ATG16L1: variants seen among roughly 807,000 people sequenced by gnomAD.
The protein encoded by ATG16L1 is autophagy related 16 like 1, also known as autophagy-related protein 16-1.
A neutral mutation model predicts 88.5 loss-of-function variants in ATG16L1; 37 were observed. The observed-to-expected ratio is 0.42, with a 90% CI of 0.32 to 0.55. The LOEUF is 0.55. ATG16L1 is among the 20% of genes least tolerant of loss of function. The pLI is 0.13. For missense variants in ATG16L1, 554 were observed against 752.8 expected, an observed-to-expected ratio of 0.74 and a Z score of 3.09; for synonymous variants, 301 against 281.0, an observed-to-expected ratio of 1.07 and a Z score of -0.71.
At chr2:233,253,340 G>GT (rs56151049) in intron 1 of ATG16L1, among the ~76,000 whole-genome samples, 3,723 of 108,504 alleles carry the variant, frequency 0.034, 167 homozygotes, top group East Asian at 0.077. Flanking sequence ...GGGTTTTTTT[G>GT]TTTTTTTTTT....
intron 12 of ATG16L1, among the ~76,000 whole-genome samples, chr2:233,289,275 T>TA (rs1423626197): frequency 5.9e-5 from 9 of 152,120 alleles, no homozygotes; most frequent in African/African-American, 2.2e-4. Context: ...TTGGTCTTGA[T>TA]ACCTCACCTT....
intron 12 of ATG16L1, among the ~76,000 whole-genome samples, chr2:233,287,160 A>G (rs1293468989): frequency 6.6e-6 from 1 of 152,216 alleles, no homozygotes; most frequent in Non-Finnish European, 1.5e-5. Flanking sequence ...CCGTACTAAG[A>G]TAGCACAAGG....
rs1329992911 is a variant in ATG16L1, at chr2:233,295,426, T to C, written c.*1076T>C. ...TCTTCCATGCTTGTTCTCTGGACAT[T>C]TGGGGATGTGAGTGTTAGAGCTGGT... On this transcript the variant is annotated 3_prime_UTR_variant, in exon 18 of 18. Transcript: ENST00000392017. The C allele has an allele frequency of 6.5e-6, 1 of 152,746 alleles. No individual in the cohort carries two copies. The highest frequency in any genetic ancestry group is 1.5e-5 in the Non-Finnish European group (1 of 68,038). The allele number at this position is 152,746 out of a possible 1,614,324, so 9.5% of individuals were successfully genotyped here.
intron 12 of ATG16L1, among the ~76,000 whole-genome samples, chr2:233,288,379 T>C (rs1417363863): frequency 6.6e-6 from 1 of 152,144 alleles, no homozygotes; most frequent in East Asian, 1.9e-4. Flanking sequence ...CCTTCTGGGC[T>C]CAAGCAGTCC....
chr2:233,279,361 G>A (rs948510899), intron 10 of ATG16L1, among the ~76,000 whole-genome samples: 3 of 77,340 alleles, frequency 3.9e-5, no homozygotes, highest in South Asian at 5.6e-4. Context: ...ACCTTTTTGC[G>A]GCTGAAAAGA....
In ATG16L1 at chr2:233,256,143, G is replaced by A; in HGVS notation, c.157G>A (p.Ala53Thr). The change falls in exon 2 of 18, where the codon GCC (alanine) becomes ACC (threonine). Residue 53 changes from alanine to threonine, a missense_variant. Transcript: ENST00000392017. The part of the protein sequence containing the change: ...LEKSDLHSVL[A>T]QKLQAEKHDV... ...AAAGTCAGATCTTCATTCAGTGTTG[G>A]CCCAGAAACTACAGGCTGAAAAGCA... 1 of 1,613,960 alleles carries A rather than the reference G, an allele frequency of 6.2e-7. No homozygotes were observed. The highest frequency in any genetic ancestry group is 1.1e-5 in the South Asian group (1 of 91,070).
chr2:233,294,599 C>T lies in ATG16L1; in HGVS notation c.*249C>T, dbSNP rs907702861. 2.8e-6 allele frequency: 1 copy of T among 351,988 alleles called. No homozygotes were observed. Among genetic ancestry groups the T allele is most frequent in the Non-Finnish European group, 5.3e-6 (1 of 190,282 alleles). The allele number at this position is 351,988 out of a possible 1,614,324, so 21.8% of individuals were successfully genotyped here. On this transcript the variant is annotated 3_prime_UTR_variant, in exon 18 of 18. Transcript: ENST00000392017. ...CACTTAGCAGAGGCTCAGGTTCTTG[C>T]CTTGGGAAACACTACTAGCTCTGAC...
intron 9 of ATG16L1, chr2:233,275,616 T>G (rs1698293058): frequency 2.2e-6 from 1 of 450,412 alleles, no homozygotes; most frequent in Non-Finnish European, 4.4e-6. Flanking sequence ...CTGCCTTGAC[T>G]GTTGTAAAGA....
chr2:233,292,117 C>T lies in ATG16L1; in HGVS notation c.1431-11C>T. On this transcript the variant is annotated splice_polypyrimidine_tract_variant and intron_variant, in intron 14 of 17. Coordinates refer to ENST00000392017, the MANE Select transcript of ATG16L1 (RefSeq NM_030803.7). ...CTACGTTACATTTCTCAGATCTGTT[C>T]TCCCTCTTAGATCAGAGAGCATAGT... is the stretch of plus-strand genomic sequence containing the variant. The T allele has an allele frequency of 6.2e-7, 1 of 1,613,894 alleles. No individual in the cohort carries two copies. Among genetic ancestry groups the T allele is most frequent in the Non-Finnish European group, 8.5e-7 (1 of 1,179,864 alleles).
chr2:233,282,723 A>G lies in ATG16L1; in HGVS notation c.1173A>G (p.Arg391=). The change falls in exon 12 of 18, where the codon CGA becomes CGG. Residue 391 remains arginine, a synonymous_variant. Transcript: ENST00000392017. Reference sequence around the variant, plus strand: ...CAGCTTCAAATGATTTTGCAAGCCGAATCTGGACTGTGGATGATTATCGAT... The same window carrying G: ...CAGCTTCAAATGATTTTGCAAGCCGGATCTGGACTGTGGATGATTATCGAT... The part of the protein sequence containing the change: ...LLAASNDFAS[R]IWTVDDYRLR... 1.2e-6 allele frequency: 2 copies of G among 1,614,178 alleles called. No individual in the cohort carries two copies. The highest frequency in any genetic ancestry group is 1.7e-6 in the Non-Finnish European group (2 of 1,179,996).
intron 12 of ATG16L1, chr2:233,283,028 T>G (rs1698820938): frequency 5.7e-6 from 2 of 350,152 alleles, no homozygotes; most frequent in Non-Finnish European, 1.1e-5. Context: ...AGATAGCAAT[T>G]TTGGCTTAAT....
chr2:233,286,439 A>G (rs1460070480), intron 12 of ATG16L1, among the ~76,000 whole-genome samples: 5 of 152,056 alleles, frequency 3.3e-5, no homozygotes, highest in African/African-American at 1.2e-4. Context: ...TGAATTTCAG[A>G]AACACCTAAC....
chr2:233,294,073 AT>A (rs1469690103), intron 17 of ATG16L1, among the ~76,000 whole-genome samples, 183 bp from the exon 18 acceptor site: 2 of 152,126 alleles, frequency 1.3e-5, no homozygotes, highest in Non-Finnish European at 2.9e-5. Context: ...ACACCACTGG[AT>A]TTTTTCTGAG....
At chr2:233,256,797 G>A (rs1696814504) in intron 2 of ATG16L1, among the ~76,000 whole-genome samples, 1 of 151,760 alleles carries the variant, frequency 6.6e-6, no homozygotes, top group Admixed American at 6.6e-5. Flanking sequence ...TACCTCCTGG[G>A]TTCAAGCAAT....
chr2:233,291,174 G>C (rs1574907529), intron 14 of ATG16L1, among the ~76,000 whole-genome samples: 1 of 152,268 alleles, frequency 6.6e-6, no homozygotes, highest in Middle Eastern at 3.4e-3. Context: ...AGAGAGGGTG[G>C]GGGTACAGGG....
At chr2:233,293,650 C>T (rs539874622) in intron 17 of ATG16L1, among the ~76,000 whole-genome samples, 1 of 152,238 alleles carries the variant, frequency 6.6e-6, no homozygotes, top group East Asian at 1.9e-4. Context: ...GTGTCTCCTT[C>T]CCCTTCCCTA....
At chr2:233,282,496 A>AG (rs535097785) in intron 11 of ATG16L1, among the ~76,000 whole-genome samples, 186 bp from the exon 12 acceptor site, 85 of 152,316 alleles carry the variant, frequency 5.6e-4, no homozygotes, top group African/African-American at 1.9e-3. Flanking sequence ...CAGAAAAAAA[A>AG]AGGTCTGAAC....
At position 233,256,215 on chromosome 2, in the gene ATG16L1, T is replaced by A. The variant is rs1696766271; in HGVS notation, c.209+20T>A. The A allele has an allele frequency of 1.3e-6, 2 of 1,594,600 alleles. No individual in the cohort carries two copies. Among genetic ancestry groups the A allele is most frequent in the South Asian group, 2.2e-5 (2 of 90,236 alleles). ...GATAAGGTATTTTGAAACTAACTTG[T>A]ATTATTTATGTCTCCTCTAAGGAAA... On this transcript the variant is annotated intron_variant, in intron 2 of 17. Transcript: ENST00000392017.
At chr2:233,268,499 C>T (rs1022076247) in intron 5 of ATG16L1, among the ~76,000 whole-genome samples, 4 of 152,094 alleles carry the variant, frequency 2.6e-5, no homozygotes, top group African/African-American at 9.7e-5. Flanking sequence ...GTGATGAATC[C>T]CTGATAACAG....
Sources: allele counts gnomAD v4.1 joint callset (sites outside exome capture counted in the v4.1 genomes callset), GRCh38; gene constraint gnomAD v4.1.1; transcripts MANE v1.5; gene names NCBI Gene and HGNC (gene_info 2026-07-23, HGNC 2026-07-21).